TMEM232: variants seen among roughly 807,000 people sequenced by gnomAD.
TMEM232 encodes the protein transmembrane protein 232.
In TMEM232, 80 loss-of-function variants were observed where a neutral mutation model predicts 78.8. The observed-to-expected ratio is 1.01, with a 90% CI of 0.85 to 1.22. The LOEUF (loss-of-function observed/expected upper bound fraction) is 1.22. Among genes scored for constraint, TMEM232 ranks in the 50% most tolerant of loss-of-function variants. The pLI, the probability that TMEM232 is intolerant of heterozygous loss-of-function variation, is 0.00. For missense variants in TMEM232, 881 were observed against 742.2 expected (o/e 1.19, Z -2.17); for synonymous variants, 297 against 254.3 (o/e 1.17, Z -1.60).
intron 10 of TMEM232, among the ~76,000 whole-genome samples, chr5:110,585,668 C>G (rs1387421777): frequency 6.6e-6 from 1 of 152,126 alleles, no homozygotes; most frequent in East Asian, 1.9e-4. Flanking sequence ...TAAACTGAAA[C>G]TCTTCTCCTC....
chr5:110,420,478 G>T lies in TMEM232; in HGVS notation c.*102C>A. The stretch of plus-strand genomic sequence containing the variant: ...TTTCTAAACAATACCTCCATTTAAT[G>T]ACAAGAAAGTTCTCTTACTATGTAG... On this transcript the variant is annotated 3_prime_UTR_variant, in exon 14 of 14. Coordinates refer to ENST00000455884, the MANE Select transcript of TMEM232 (RefSeq NM_001039763.4). 1.4e-6 allele frequency: 1 copy of T among 700,066 alleles called. No individual in the cohort carries two copies. Among genetic ancestry groups the T allele is most frequent in the Non-Finnish European group, 2.1e-6 (1 of 472,936 alleles). The allele number at this position is 700,066 out of a possible 1,614,324, so 43.4% of individuals were successfully genotyped here. A position where few individuals can be genotyped will look rare whatever the true frequency, so the allele number is the denominator to read the frequency against.
At chr5:110,446,976 C>A (rs1317842633) in intron 12 of TMEM232, among the ~76,000 whole-genome samples, 1 of 151,740 alleles carries the variant, frequency 6.6e-6, no homozygotes, top group Non-Finnish European at 1.5e-5. Flanking sequence ...GAATTGAGGA[C>A]CCTCGTACTC....
chr5:110,673,636 A>G (rs1302991671), intron 1 of TMEM232, among the ~76,000 whole-genome samples: 1 of 152,104 alleles, frequency 6.6e-6, no homozygotes. Context: ...CTGTGTGGGG[A>G]TTATGAGGTA....
rs542943315 is a variant in TMEM232 at position 110,579,069 on chromosome 5, A to G, written c.1277-10444T>C. 4.6e-5 allele frequency among the ~76,000 whole-genome samples: 7 copies of G among 152,018 alleles called. No individual in the cohort carries two copies. The South Asian group carries it at 1.5e-3, about 31-fold the overall frequency. Reference sequence around the variant, plus strand: ...GAGACACATTATATTCTAGATATCAAAAGTATAGGAGATAATTTTGAAAGC... The same window carrying G: ...GAGACACATTATATTCTAGATATCAGAAGTATAGGAGATAATTTTGAAAGC... On this transcript the variant is annotated intron_variant, in intron 10 of 13. Transcript: ENST00000455884.
At chr5:110,608,932 A>T (rs1781838632) in intron 8 of TMEM232, among the ~76,000 whole-genome samples, 1 of 152,098 alleles carries the variant, frequency 6.6e-6, no homozygotes, top group Non-Finnish European at 1.5e-5. Context: ...GTACAAAATA[A>T]TATGTAACTA....
intron 1 of TMEM232, among the ~76,000 whole-genome samples, chr5:110,686,032 A>G (rs776504494): frequency 1.3e-5 from 2 of 151,820 alleles, no homozygotes; most frequent in South Asian, 2.1e-4. Flanking sequence ...GGATGGTAAC[A>G]TGGGTATATG....
chr5:110,715,704 A>T (rs963558958), intron 1 of TMEM232, among the ~76,000 whole-genome samples: 1 of 152,068 alleles, frequency 6.6e-6, no homozygotes, highest in Non-Finnish European at 1.5e-5. Flanking sequence ...AGTTAACCTA[A>T]AAGACTGGTT....
At chr5:110,673,525 T>C (rs901817953) in intron 1 of TMEM232, among the ~76,000 whole-genome samples, 1 of 152,196 alleles carries the variant, frequency 6.6e-6, no homozygotes, top group Admixed American at 6.5e-5. Flanking sequence ...GAAAATTCTT[T>C]GTAATTTTTT....
intron 10 of TMEM232, among the ~76,000 whole-genome samples, chr5:110,600,335 G>A (rs79989409): frequency 6.6e-6 from 1 of 152,212 alleles, no homozygotes; most frequent in East Asian, 1.9e-4. Flanking sequence ...AGGAGACAGA[G>A]ACACAAAAAG....
chr5:110,604,051 C>T (rs1781258727), intron 10 of TMEM232, among the ~76,000 whole-genome samples: 1 of 151,906 alleles, frequency 6.6e-6, no homozygotes, highest in Admixed American at 6.6e-5. Context: ...ATTATAAATC[C>T]ACTATCATAA....
intron 6 of TMEM232, among the ~76,000 whole-genome samples, chr5:110,625,922 A>C (rs917447879): frequency 6.9e-6 from 1 of 144,940 alleles, no homozygotes; most frequent in African/African-American, 2.6e-5. Context: ...ATAATTTAAC[A>C]TAACACCACA....
chr5:110,550,457 G>A (rs533967350), intron 11 of TMEM232, among the ~76,000 whole-genome samples: 1 of 151,924 alleles, frequency 6.6e-6, no homozygotes, highest in African/African-American at 2.4e-5. Flanking sequence ...AGTTTATGAT[G>A]CTCACAAAAA....
chr5:110,524,052 C>A (rs1769996511), intron 12 of TMEM232, among the ~76,000 whole-genome samples: 1 of 149,040 alleles, frequency 6.7e-6, no homozygotes, highest in African/African-American at 2.5e-5. Flanking sequence ...ATCACGAGTT[C>A]AGGAGTTCGC....
At chr5:110,507,277 C>T (rs1304810825) in intron 12 of TMEM232, among the ~76,000 whole-genome samples, 2 of 152,186 alleles carry the variant, frequency 1.3e-5, no homozygotes, top group African/African-American at 4.8e-5. Flanking sequence ...CTCCTTGCTT[C>T]ATAACAGTAT....
chr5:110,528,533 G>A, intron 12 of TMEM232, 55 bp downstream of exon 12: 1 of 1,399,978 alleles, frequency 7.1e-7, no homozygotes, highest in Non-Finnish European at 9.3e-7. Context: ...TATAATTTCT[G>A]TGATTTTGAA....
intron 12 of TMEM232, among the ~76,000 whole-genome samples, chr5:110,495,220 G>A (rs534131412): frequency 4.6e-5 from 7 of 151,736 alleles, no homozygotes; most frequent in East Asian, 3.9e-4. Context: ...AAGTAGCTCC[G>A]CCTTATCTAT....
At chr5:110,421,963 C>T (rs527562559) in intron 13 of TMEM232, among the ~76,000 whole-genome samples, 1 of 152,138 alleles carries the variant, frequency 6.6e-6, no homozygotes, top group Non-Finnish European at 1.5e-5. Context: ...TTCTCAGGAA[C>T]CAGTTTTGCA....
intron 11 of TMEM232, among the ~76,000 whole-genome samples, chr5:110,536,156 G>A (rs927109858): frequency 6.6e-6 from 1 of 152,082 alleles, no homozygotes; most frequent in Admixed American, 6.5e-5. Flanking sequence ...CCCTTGGTAG[G>A]CAGTGCCTAA....
At chr5:110,702,035 T>C (rs1425950778) in intron 1 of TMEM232, among the ~76,000 whole-genome samples, 1 of 151,946 alleles carries the variant, frequency 6.6e-6, no homozygotes, top group Non-Finnish European at 1.5e-5. Flanking sequence ...TAAGGGGGGT[T>C]TTAGGTTTAG....
Sources: allele counts gnomAD v4.1 joint callset (sites outside exome capture counted in the v4.1 genomes callset), GRCh38; gene constraint gnomAD v4.1.1; transcripts MANE v1.5; gene names NCBI Gene and HGNC (gene_info 2026-07-23, HGNC 2026-07-21).